DEPDC7: variants seen among roughly 807,000 people sequenced by gnomAD.
The protein encoded by DEPDC7 is DEP domain containing 7.
In DEPDC7, 41 loss-of-function variants were observed where a neutral mutation model predicts 56.6. The ratio of observed to expected loss-of-function variants is 0.72; its 90% CI spans 0.56 to 0.94. The LOEUF (loss-of-function observed/expected upper bound fraction) is 0.94, where lower values mean the gene tolerates loss of function less well. Ranked by LOEUF, DEPDC7 falls within the 40% of genes least tolerant of loss-of-function variation. The probability of loss-of-function intolerance (pLI) is 0.00; values close to 1 mark genes in which losing one functional copy is unlikely to be tolerated. For synonymous variants in DEPDC7, 185 were observed against 208.8 expected, an observed-to-expected ratio of 0.89 and a Z score of 0.98; for missense variants, 522 against 596.3, an observed-to-expected ratio of 0.88 and a Z score of 1.30.
At chr11:33,031,823 AC>A (rs767583282) in intron 5 of DEPDC7, among the ~76,000 whole-genome samples, 1 of 152,200 alleles carries the variant, frequency 6.6e-6, no homozygotes, top group Non-Finnish European at 1.5e-5. Context: ...GCTCTCATTC[AC>A]CGGAAGCTTA....
intron 1 of DEPDC7, among the ~76,000 whole-genome samples, chr11:33,017,135 C>A (rs918815418): frequency 3.3e-5 from 5 of 152,180 alleles, no homozygotes; most frequent in African/African-American, 1.2e-4. Context: ...TAAGAAAAAT[C>A]ATAATATTGA....
At chr11:33,016,497 G>C in intron 1 of DEPDC7, 1 of 1,613,124 alleles carries the variant, frequency 6.2e-7, no homozygotes, top group Non-Finnish European at 8.5e-7. Context: ...AGACTGCTAG[G>C]AGTCAAGAGT....
rs1388283619 is a variant in DEPDC7, at chr11:33,032,808, G to A, written c.1263+15G>A. On this transcript the variant is annotated intron_variant, in intron 7 of 8. Transcript: ENST00000241051. ...ATGTTTTTAAGGTAAAATTGTGAAAGTAGTTAAATTGAGCTTATGTAATAG... is the reference window on the plus strand; with the variant it reads ...ATGTTTTTAAGGTAAAATTGTGAAAATAGTTAAATTGAGCTTATGTAATAG... 3 of 1,595,354 alleles carry A rather than the reference G, an allele frequency of 1.9e-6. No individual in the cohort carries two copies. Among genetic ancestry groups the A allele is most frequent in the Non-Finnish European group, 2.6e-6 (3 of 1,173,020 alleles).
rs1349079957 is a variant in DEPDC7 at position 33,028,515 on chromosome 11, C to A, written c.593-88C>A. ...TTCTTTCTTTTTGGCCACAAATTTA[C>A]TAGCTTAGACCTGCTTAGAAAAATA... On this transcript the variant is annotated intron_variant, in intron 3 of 8. Transcript: ENST00000241051. 2.8e-6 allele frequency: 3 copies of A among 1,074,334 alleles called. No individual in the cohort carries two copies. The African/African-American group carries it at 4.8e-5, about 17-fold the overall frequency. The allele number at this position is 1,074,334 out of a possible 1,614,324, so 66.6% of individuals were successfully genotyped here. A position where few individuals can be genotyped will look rare whatever the true frequency, so the allele number is the denominator to read the frequency against.
In DEPDC7 at chr11:33,032,967, G is replaced by A; in HGVS notation, c.1342G>A (p.Gly448Arg). 1 of 1,563,932 alleles carries A rather than the reference G, an allele frequency of 6.4e-7. No individual in the cohort carries two copies. Among genetic ancestry groups the A allele is most frequent in the Non-Finnish European group, 8.7e-7 (1 of 1,151,994 alleles). ...CGGAAGAGATCCAAATAGAGATGCA[G>A]GTAATCTGAGAAATATTATTTTCAT... is the stretch of plus-strand genomic sequence containing the variant. ...QNGRDPNRDA[G>R]YIYCQRIDQR... Residue 448 changes from glycine to arginine, a missense_variant and splice_region_variant, in exon 8 of 9, where the codon GGA becomes AGA. Coordinates refer to ENST00000241051, the MANE Select transcript of DEPDC7 (RefSeq NM_001077242.2).
chr11:33,019,561 GA>G (rs1853501944), intron 1 of DEPDC7, among the ~76,000 whole-genome samples: 2 of 152,076 alleles, frequency 1.3e-5, no homozygotes, highest in African/African-American at 4.8e-5. Flanking sequence ...AGCTACTCAG[GA>G]GGTTGAGGCA....
chr11:33,021,266 A>G (rs1448047717), intron 1 of DEPDC7, among the ~76,000 whole-genome samples: 2 of 152,054 alleles, frequency 1.3e-5, no homozygotes, highest in Non-Finnish European at 2.9e-5. Flanking sequence ...AAAAAAAGAA[A>G]AAAAAGAAAA....
In DEPDC7 at chr11:33,025,974, G is replaced by A. The variant is rs748025899; in HGVS notation, c.389G>A (p.Ser130Asn). 1.4e-5 allele frequency: 22 copies of A among 1,613,968 alleles called. 1 individual carries two copies. Among genetic ancestry groups the A allele is most frequent in the Middle Eastern group, 3.3e-4 (2 of 6,084 alleles). Residue 130 changes from serine to asparagine, a missense_variant, in exon 2 of 9, where the codon AGC (serine) becomes AAC (asparagine). By Grantham distance (46) the Ser-to-Asn change is conservative. Transcript: ENST00000241051. Reference sequence around the variant, plus strand: ...CCTACATTTGAAGATAGTAGTTGCAGCCTTTATAGATTCACCACAATACCT... The same window carrying A: ...CCTACATTTGAAGATAGTAGTTGCAACCTTTATAGATTCACCACAATACCT... ...KKPTFEDSSC[S>N]LYRFTTIPNQ...
At chr11:33,018,112 A>G (rs550032368) in intron 1 of DEPDC7, among the ~76,000 whole-genome samples, 2 of 152,368 alleles carry the variant, frequency 1.3e-5, no homozygotes, top group South Asian at 2.1e-4. Flanking sequence ...TTCAGAGGCA[A>G]TCGCAGTCTT....
chr11:33,026,788 CTTTTCTTTTT>C (rs1467826004), intron 2 of DEPDC7: 1 of 95,776 alleles, frequency 1.0e-5, no homozygotes, highest in Non-Finnish European at 2.3e-5. Context: ...CTTTTCTTTT[CTTTTCTTTTT>C]TTTCCTGTGG....
chr11:33,028,076 T>C, intron 3 of DEPDC7: 1 of 301,356 alleles, frequency 3.3e-6, no homozygotes, highest in Non-Finnish European at 6.0e-6. Context: ...CAGATTTGTA[T>C]TGAAAATATG....
intron 1 of DEPDC7, among the ~76,000 whole-genome samples, chr11:33,017,902 T>C (rs1853480941): frequency 6.6e-6 from 1 of 152,260 alleles, no homozygotes; most frequent in Non-Finnish European, 1.5e-5. Flanking sequence ...TGTTATCCTG[T>C]TATCCCTTTA....
Position 33,033,568 on chromosome 11 carries a change from A to T in DEPDC7, c.*113A>T. On this transcript the variant is annotated 3_prime_UTR_variant, in exon 9 of 9. Transcript: ENST00000241051. The stretch of plus-strand genomic sequence containing the variant: ...TAAATTTGAAACTGTACTTAATAAA[A>T]ATTTTTTTGTATAACTTCGTGTGTC... 2 of 760,074 alleles carry T rather than the reference A, an allele frequency of 2.6e-6. No individual in the cohort carries two copies. Among genetic ancestry groups the T allele is most frequent in the Non-Finnish European group, 4.0e-6 (2 of 497,892 alleles). 47.1% of individuals were successfully genotyped at this position (760,074 alleles called of 1,614,324 possible).
Position 33,026,025 on chromosome 11 carries a change from A to T in DEPDC7, c.440A>T (p.Glu147Val). 6.2e-7 allele frequency: 1 copy of T among 1,614,054 alleles called. No homozygotes were observed. The highest frequency in any genetic ancestry group is 8.5e-7 in the Non-Finnish European group (1 of 1,180,030). ...AACCAAGACAGTCAGTTAGGCAAAG[A>T]GAACAAACTATATTCACCTGCCAGG... ...IPNQDSQLGK[E>V]NKLYSPARYA... Residue 147 changes from glutamate to valine, a missense_variant, in exon 2 of 9, where the codon GAG becomes GTG. Glu to Val is a moderately radical substitution (Grantham distance 121). Coordinates refer to ENST00000241051, the MANE Select transcript of DEPDC7 (RefSeq NM_001077242.2).
Position 33,027,745 on chromosome 11 carries a change from G to C in DEPDC7, c.524G>C (p.Trp175Ser), listed in dbSNP as rs778683277. 10 of 1,576,618 alleles carry C rather than the reference G, an allele frequency of 6.3e-6. No homozygotes were observed. The South Asian group carries it at 9.5e-5, about 15-fold the overall frequency. ...DIRSASLEDL[W>S]ENLSLKPANS... The stretch of plus-strand genomic sequence containing the variant: ...AGATCAGCCAGTTTAGAGGACCTGT[G>C]GGAAAATCTGAGTTTAAAGCCTGCC... The change falls in exon 3 of 9, where the codon TGG becomes TCG. Residue 175 changes from tryptophan (W) to serine (S), a missense_variant. Transcript: ENST00000241051.
intron 4 of DEPDC7, among the ~76,000 whole-genome samples, chr11:33,029,252 C>A (rs564068990): frequency 6.6e-6 from 1 of 151,592 alleles, no homozygotes; most frequent in Non-Finnish European, 1.5e-5. Flanking sequence ...AATCCTAGCA[C>A]TTTGGGAGGC....
chr11:33,020,681 A>G (rs998273659), intron 1 of DEPDC7, among the ~76,000 whole-genome samples: 3 of 152,336 alleles, frequency 2.0e-5, no homozygotes, highest in South Asian at 4.1e-4. Flanking sequence ...TCTGTCACCC[A>G]GGCTGGAGTG....
rs541433489 is a variant in DEPDC7 at position 33,026,142 on chromosome 11, G to A, written c.464+93G>A. 29 of 1,444,554 alleles carry A rather than the reference G, an allele frequency of 2.0e-5. No individual in the cohort carries two copies. The East Asian group carries it at 6.2e-4, about 31-fold the overall frequency. 89.5% of individuals were successfully genotyped at this position (1,444,554 alleles called of 1,614,324 possible). A position where few individuals can be genotyped will look rare whatever the true frequency, so the allele number is the denominator to read the frequency against. ...CTACTGGCTTTATATTACATTTTTAGCAGTAAATGTGGCTAAAATATGGGT... is the reference window on the plus strand; with the variant it reads ...CTACTGGCTTTATATTACATTTTTAACAGTAAATGTGGCTAAAATATGGGT... On this transcript the variant is annotated intron_variant, in intron 2 of 8. Coordinates refer to ENST00000241051, the MANE Select transcript of DEPDC7 (RefSeq NM_001077242.2).
In DEPDC7 at chr11:33,032,690, A is replaced by G. The variant is rs778863554; in HGVS notation, c.1160A>G (p.Lys387Arg). Residue 387 changes from lysine (K) to arginine (R), a missense_variant, in exon 7 of 9, where the codon AAA becomes AGA. Coordinates refer to ENST00000241051, the MANE Select transcript of DEPDC7 (RefSeq NM_001077242.2). ...TAGAGTGACAACCGAATGGTTGTGA[A>G]AAGGATATTCTCAAAAGCTATTGTT... ...QKESDNRMVVKRIFSKAIVDN... is the reference protein window; with the variant it reads ...QKESDNRMVVRRIFSKAIVDN... The G allele has an allele frequency of 1.9e-6, 3 of 1,595,948 alleles. No individual in the cohort carries two copies. Among genetic ancestry groups the G allele is most frequent in the South Asian group, 2.3e-5 (2 of 87,774 alleles).
Sources: allele counts gnomAD v4.1 joint callset (sites outside exome capture counted in the v4.1 genomes callset), GRCh38; gene constraint gnomAD v4.1.1; transcripts MANE v1.5; gene names NCBI Gene and HGNC (gene_info 2026-07-23, HGNC 2026-07-21).